Variants in DCC observed in about 807,000 individuals in gnomAD.
DCC encodes the protein netrin receptor DCC.
DCC carries 58 observed loss-of-function variants against 172.5 expected under a neutral mutation model. The ratio of observed to expected loss-of-function variants is 0.34; its 90% confidence interval spans 0.27 to 0.42. The LOEUF is 0.42. Ranked by LOEUF, DCC falls within the 10% of genes least tolerant of loss-of-function variation. The probability of loss-of-function intolerance (pLI) is 1.00; values close to 1 mark genes in which losing one functional copy is unlikely to be tolerated. For missense variants in DCC, 1,740 were observed against 1,791.0 expected, an observed-to-expected ratio of 0.97 and a Z score of 0.51; for synonymous variants, 709 against 644.5, an observed-to-expected ratio of 1.10 and a Z score of -1.52.
At chr18:52,532,584 C>A (rs913396993) in intron 1 of DCC, among the ~76,000 whole-genome samples, 1 of 152,124 alleles carries the variant, frequency 6.6e-6, no homozygotes, top group African/African-American at 2.4e-5. Flanking sequence ...AGCTGAGAAA[C>A]GTGCATCACC....
chr18:53,191,406 G>C (rs9304439), intron 9 of DCC, among the ~76,000 whole-genome samples: 6 of 152,054 alleles, frequency 3.9e-5, no homozygotes, highest in Non-Finnish European at 8.8e-5. Flanking sequence ...AATATGTTTT[G>C]TATTTTCTTT....
At chr18:52,866,270 T>G (rs909459654) in intron 2 of DCC, among the ~76,000 whole-genome samples, 2 of 152,240 alleles carry the variant, frequency 1.3e-5, no homozygotes, top group Non-Finnish European at 2.9e-5. Flanking sequence ...TTGGTATCAG[T>G]ACCATGCTGT....
chr18:53,306,371 G>A (rs938434964), intron 13 of DCC, among the ~76,000 whole-genome samples: 4 of 152,128 alleles, frequency 2.6e-5, no homozygotes, highest in Non-Finnish European at 5.9e-5. Context: ...GGCTTTCAAC[G>A]TAATACCTTT....
At chr18:53,047,261 T>A (rs1243478016) in intron 5 of DCC, among the ~76,000 whole-genome samples, 6 of 12,604 alleles carry the variant, frequency 4.8e-4, no homozygotes, top group Non-Finnish European at 8.2e-4. Flanking sequence ...TATATATATA[T>A]ATATATATAT....
chr18:53,154,094 C>T (rs1169716872), intron 7 of DCC, among the ~76,000 whole-genome samples: 1 of 152,102 alleles, frequency 6.6e-6, no homozygotes, highest in African/African-American at 2.4e-5. Flanking sequence ...AAGGCAAATC[C>T]CCTGGAATCA....
intron 1 of DCC, among the ~76,000 whole-genome samples, chr18:52,634,464 A>ACAT (rs1251318939): frequency 6.6e-6 from 1 of 152,220 alleles, no homozygotes; most frequent in Non-Finnish European, 1.5e-5. Context: ...TGGGGAGCAT[A>ACAT]CATCATATCA....
At chr18:52,989,108 T>G (rs1323332749) in intron 5 of DCC, among the ~76,000 whole-genome samples, 2 of 146,104 alleles carry the variant, frequency 1.4e-5, no homozygotes, top group African/African-American at 4.9e-5. Context: ...AGTGGAGGGA[T>G]AGAGAGAATA....
In DCC at chr18:52,501,461, C is replaced by T. The variant is rs116578936; in HGVS notation, c.91+160583C>T. ...TTGTCTCTCTAAGCAGAAGTTTATG[C>T]CATAAAGGTAATGTGAAAAATAGAG... On this transcript the variant is annotated intron_variant, in intron 1 of 28. Coordinates refer to ENST00000442544, the MANE Select transcript of DCC (RefSeq NM_005215.4). Among the ~76,000 whole-genome samples the T allele has an allele frequency of 6.7e-3, 1,016 of 152,146 alleles. 15 individuals carry two copies. The highest frequency in any genetic ancestry group is 0.024 in the South Asian group (113 of 4,806).
chr18:52,680,684 A>C (rs2035733808), intron 1 of DCC, among the ~76,000 whole-genome samples: 1 of 152,128 alleles, frequency 6.6e-6, no homozygotes, highest in African/African-American at 2.4e-5. Flanking sequence ...TAAATGTTGA[A>C]TGAATGAGTG....
At chr18:52,345,850 T>G (rs1032147240) in intron 1 of DCC, among the ~76,000 whole-genome samples, 7 of 152,234 alleles carry the variant, frequency 4.6e-5, no homozygotes, top group Non-Finnish European at 8.8e-5. Flanking sequence ...ACATTCTAAC[T>G]TGTGGCCTCT....
At chr18:53,011,776 C>T (rs367880264) in intron 5 of DCC, among the ~76,000 whole-genome samples, 13 of 151,494 alleles carry the variant, frequency 8.6e-5, no homozygotes, top group African/African-American at 2.7e-4. Context: ...CGTATTCCAT[C>T]TCCTTCCCAT....
intron 1 of DCC, among the ~76,000 whole-genome samples, chr18:52,680,902 A>C (rs1209348153): frequency 6.6e-6 from 1 of 152,098 alleles, no homozygotes; most frequent in African/African-American, 2.4e-5. Flanking sequence ...TTTTAGATGA[A>C]TGATTTTGTT....
At position 53,035,413 on chromosome 18, in the gene DCC, G is replaced by T. The variant is rs138240323; in HGVS notation, c.986-27892G>T. Among the ~76,000 whole-genome samples, 14 of 152,172 alleles carry T rather than the reference G, an allele frequency of 9.2e-5. No individual in the cohort carries two copies. The East Asian group carries it at 2.5e-3, about 27-fold the overall frequency. ...TTTTAAGGTCAAGATTTTAGATATG[G>T]TCTAAAGATTCTGGATTTCACTATC... On this transcript the variant is annotated intron_variant, in intron 5 of 28. Coordinates refer to ENST00000442544, the MANE Select transcript of DCC (RefSeq NM_005215.4).
chr18:52,658,786 T>C (rs945935522), intron 1 of DCC, among the ~76,000 whole-genome samples: 1 of 152,184 alleles, frequency 6.6e-6, no homozygotes, highest in African/African-American at 2.4e-5. Flanking sequence ...CCTGGATCAT[T>C]CATTCTAGGG....
At position 52,923,765 on chromosome 18, in the gene DCC, T is replaced by C; in HGVS notation, c.756T>C (p.Ile252=). The C allele has an allele frequency of 6.2e-7, 1 of 1,612,468 alleles. No individual in the cohort carries two copies. The change falls in exon 4 of 29, where the codon ATT becomes ATC. Residue 252 remains isoleucine (I), a synonymous_variant. Transcript: ENST00000442544. ...FLQRPSNVVA[I]EGKDAVLECC... ...AAAGACCATCCAATGTAGTAGCCATTGAAGGAAAAGATGCTGTCCTGGAAT... is the reference window on the plus strand; with the variant it reads ...AAAGACCATCCAATGTAGTAGCCATCGAAGGAAAAGATGCTGTCCTGGAAT...
intron 2 of DCC, among the ~76,000 whole-genome samples, chr18:52,811,853 AT>A (rs1278353957): frequency 3.9e-5 from 6 of 152,178 alleles, no homozygotes; most frequent in Non-Finnish European, 7.3e-5. Flanking sequence ...AAATAAAGAC[AT>A]TTGGTAAATC....
chr18:53,222,710 G>A (rs2055961864), intron 12 of DCC, among the ~76,000 whole-genome samples: 1 of 152,112 alleles, frequency 6.6e-6, no homozygotes, highest in East Asian at 1.9e-4. Flanking sequence ...AAGAAACAAG[G>A]TTGCTATGGC....
intron 2 of DCC, among the ~76,000 whole-genome samples, chr18:52,827,877 G>T (rs1417319784): frequency 1.3e-5 from 2 of 152,176 alleles, no homozygotes; most frequent in Non-Finnish European, 2.9e-5. Flanking sequence ...GTTCGTAGGT[G>T]TGTGAGCTGC....
intron 1 of DCC, among the ~76,000 whole-genome samples, chr18:52,636,583 C>G (rs2034784582): frequency 6.6e-6 from 1 of 152,082 alleles, no homozygotes; most frequent in Non-Finnish European, 1.5e-5. Context: ...TCCCTGACAA[C>G]CTGCATGACT....
Sources: allele counts gnomAD v4.1 joint callset (sites outside exome capture counted in the v4.1 genomes callset), GRCh38; gene constraint gnomAD v4.1.1; transcripts MANE v1.5; gene names NCBI Gene and HGNC (gene_info 2026-07-23, HGNC 2026-07-21).